The following SLC4A7 variants were observed in gnomAD, a reference collection of about 807,000 sequenced individuals.
SLC4A7 encodes the protein sodium bicarbonate cotransporter 3.
SLC4A7 carries 51 observed loss-of-function variants against 137.6 expected under a neutral mutation model. The ratio of observed to expected loss-of-function variants is 0.37; its 90% CI spans 0.30 to 0.47. The LOEUF (loss-of-function observed/expected upper bound fraction) is 0.47. SLC4A7 is among the 20% of genes least tolerant of loss of function. The pLI is 1.00. For synonymous variants in SLC4A7, 542 were observed against 518.6 expected, an observed-to-expected ratio of 1.05 and a Z score of -0.61; for missense variants, 1,247 against 1,525.4, an observed-to-expected ratio of 0.82 and a Z score of 3.04.
At chr3:27,465,937 G>A (rs1395722553) in intron 1 of SLC4A7, among the ~76,000 whole-genome samples, 3 of 134,732 alleles carry the variant, frequency 2.2e-5, no homozygotes, top group Non-Finnish European at 3.1e-5. Context: ...CTGGGCGACA[G>A]AGCAAGAGTC....
At chr3:27,396,357 A>T (rs757225376) in intron 18 of SLC4A7, among the ~76,000 whole-genome samples, 1 of 152,192 alleles carries the variant, frequency 6.6e-6, no homozygotes. Flanking sequence ...CCTGAAAGCC[A>T]TATCAGTAAA....
chr3:27,398,367 G>A lies in SLC4A7; in HGVS notation c.2428-14C>T, dbSNP rs1559661140. 2 of 1,580,364 alleles carry A rather than the reference G, an allele frequency of 1.3e-6. No individual in the cohort carries two copies. Among genetic ancestry groups the A allele is most frequent in the African/African-American group, 2.7e-5 (2 of 73,274 alleles). ...TTTTTTACATTCCTGGAAAAAAGGA[G>A]AAAGAAAAAGCAGAATGGGGGATTC... On this transcript the variant is annotated splice_polypyrimidine_tract_variant and intron_variant, in intron 16 of 25. Transcript: ENST00000454389.
intron 20 of SLC4A7, among the ~76,000 whole-genome samples, chr3:27,392,409 G>T (rs757722995): frequency 6.6e-6 from 1 of 152,152 alleles, no homozygotes; most frequent in Non-Finnish European, 1.5e-5. Flanking sequence ...TGACCTAAGG[G>T]AGAAGTGTAC....
At chr3:27,467,770 T>G (rs1172149333) in intron 1 of SLC4A7, among the ~76,000 whole-genome samples, 1 of 152,202 alleles carries the variant, frequency 6.6e-6, no homozygotes, top group African/African-American at 2.4e-5. Flanking sequence ...CTAGTGGTTA[T>G]GATTAGAACC....
chr3:27,396,064 T>C (rs899616182), intron 18 of SLC4A7, among the ~76,000 whole-genome samples: 1 of 152,222 alleles, frequency 6.6e-6, no homozygotes, highest in Non-Finnish European at 1.5e-5. Flanking sequence ...TTTGGGAGAA[T>C]ACTGCATATA....
At chr3:27,394,835 C>T (rs531119462) in intron 19 of SLC4A7, 66 bp from the exon 20 acceptor site, 56 of 1,560,748 alleles carry the variant, frequency 3.6e-5, no homozygotes, top group East Asian at 9.0e-5. Flanking sequence ...AAATTCTACA[C>T]GAATTATAAA....
chr3:27,387,421 T>TA (rs2051082419), intron 22 of SLC4A7, among the ~76,000 whole-genome samples: 1 of 152,210 alleles, frequency 6.6e-6, no homozygotes, highest in African/African-American at 2.4e-5. Flanking sequence ...GTCAGGCATT[T>TA]ATTTTTTATT....
chr3:27,400,635 A>T, intron 16 of SLC4A7, 129 bp downstream of exon 16: 1 of 607,726 alleles, frequency 1.6e-6, no homozygotes, highest in East Asian at 2.8e-5. Flanking sequence ...TATCTGGTCA[A>T]AATAACACTA....
chr3:27,481,502 A>G (rs1356813742), intron 1 of SLC4A7, among the ~76,000 whole-genome samples: 2 of 152,224 alleles, frequency 1.3e-5, no homozygotes, highest in Admixed American at 6.5e-5. Flanking sequence ...AGTTAGAGTT[A>G]TGACTGATGA....
chr3:27,389,815 A>T (rs1429398145), intron 22 of SLC4A7, 116 bp downstream of exon 22: 2 of 720,626 alleles, frequency 2.8e-6, no homozygotes, highest in African/African-American at 3.6e-5. Context: ...ATTTTCAAAC[A>T]CCTAAGGTAC....
In SLC4A7 at chr3:27,440,031, A is replaced by G. The variant is rs184453693; in HGVS notation, c.290-2505T>C. Among the ~76,000 whole-genome samples, 404 of 152,298 alleles carry G rather than the reference A, an allele frequency of 2.7e-3. 4 individuals are homozygous for G. Among genetic ancestry groups the G allele is most frequent in the Non-Finnish European group, 2.0e-3 (138 of 68,014 alleles). On this transcript the variant is annotated intron_variant, in intron 3 of 25. Coordinates refer to ENST00000454389, the MANE Select transcript of SLC4A7 (RefSeq NM_001321103.2). ...ATTGTTAATGACATTACTTAGTTAC[A>G]TTGACAGATGTTTAAGTTTTAAACC... is the stretch of plus-strand genomic sequence containing the variant.
intron 1 of SLC4A7, among the ~76,000 whole-genome samples, chr3:27,475,598 T>G (rs1320318321): frequency 6.6e-6 from 1 of 152,096 alleles, no homozygotes; most frequent in East Asian, 1.9e-4. Context: ...TAAGATAAAA[T>G]GAAAGGCCAA....
chr3:27,420,863 C>A (rs2054896258), intron 9 of SLC4A7, 76 bp from the exon 10 acceptor site: 3 of 964,948 alleles, frequency 3.1e-6, no homozygotes, highest in South Asian at 1.5e-5. Flanking sequence ...AAAAAAGAAA[C>A]CATTCAAATA....
At chr3:27,440,424 C>T (rs2057098048) in intron 3 of SLC4A7, among the ~76,000 whole-genome samples, 1 of 152,054 alleles carries the variant, frequency 6.6e-6, no homozygotes, top group South Asian at 2.1e-4. Flanking sequence ...GGATAATATT[C>T]CCACTCCAAA....
At chr3:27,470,359 G>T (rs1453919062) in intron 1 of SLC4A7, among the ~76,000 whole-genome samples, 1 of 151,720 alleles carries the variant, frequency 6.6e-6, no homozygotes, top group Non-Finnish European at 1.5e-5. Context: ...GAACAAGTAA[G>T]CTACTATTAA....
Position 27,378,850 on chromosome 3 carries a change from T to G in SLC4A7, c.3698+399A>C, listed in dbSNP as rs1487734765. On this transcript the variant is annotated intron_variant, in intron 25 of 25. Coordinates refer to ENST00000454389, the MANE Select transcript of SLC4A7 (RefSeq NM_001321103.2). ...TTTATATGGTTTCTGATCTTTTTTATGTTTATTCCATACTGCTATATGAAA... is the reference window on the plus strand; with the variant it reads ...TTTATATGGTTTCTGATCTTTTTTAGGTTTATTCCATACTGCTATATGAAA... 2.0e-5 allele frequency among the ~76,000 whole-genome samples: 3 copies of G among 152,262 alleles called. No homozygotes were observed. In the East Asian group the frequency reaches 5.8e-4, roughly 29 times the overall value.
intron 25 of SLC4A7, among the ~76,000 whole-genome samples, chr3:27,377,889 A>G (rs1559608272): frequency 6.6e-6 from 1 of 152,248 alleles, no homozygotes; most frequent in African/African-American, 2.4e-5. Context: ...GTTAAACAAC[A>G]TAGCCAAGAT....
At chr3:27,426,046 G>A (rs1342468427) in intron 7 of SLC4A7, among the ~76,000 whole-genome samples, 2 of 152,116 alleles carry the variant, frequency 1.3e-5, no homozygotes, top group East Asian at 1.9e-4. Context: ...ATCTAAAGGA[G>A]TTTTCACTTT....
In SLC4A7 at chr3:27,447,640, CTTTTTTTTT is replaced by C. The variant is rs71087609; in HGVS notation, c.289+1002_289+1010del. On this transcript the variant is annotated intron_variant, in intron 3 of 25. Coordinates refer to ENST00000454389, the MANE Select transcript of SLC4A7 (RefSeq NM_001321103.2). The stretch of plus-strand genomic sequence containing the variant: ...AGAATCCTCCTCAGGTTTTACAGCC[CTTTTTTTTT>C]TTTTTTTTTTTTTTGGCTCTTTCCT... Among the ~76,000 whole-genome samples the C allele has an allele frequency of 5.0e-5, 5 of 99,724 alleles. No individual in the cohort carries two copies. The East Asian group carries it at 9.6e-4, about 19-fold the overall frequency. The allele number at this position is 99,724 out of a possible 152,430, so 65.4% of individuals were successfully genotyped here.
Sources: gnomAD v4.1 joint callset for allele counts (sites outside exome capture counted in the v4.1 genomes callset) on GRCh38, gnomAD v4.1.1 for gene constraint, MANE v1.5 for transcripts, NCBI Gene and HGNC (gene_info 2026-07-23, HGNC 2026-07-21) for gene names.